CRACD: variants seen among roughly 807,000 people sequenced by gnomAD.
CRACD encodes capping protein inhibiting regulator of actin dynamics.
CRACD carries 56 observed loss-of-function variants against 106.8 expected under a neutral mutation model. The observed-to-expected ratio is 0.52, with a 90% CI of 0.42 to 0.66. The LOEUF is 0.66. Ranked by LOEUF, CRACD falls within the 30% of genes least tolerant of loss-of-function variation. The pLI is 0.00. For missense variants in CRACD, 1,730 were observed against 1,623.2 expected, an observed-to-expected ratio of 1.07 and a Z score of -1.13; for synonymous variants, 754 against 670.8, an observed-to-expected ratio of 1.12 and a Z score of -1.92.
chr4:56,323,649 C>T (rs1280203038), intron 9 of CRACD, 82 bp downstream of exon 9: 1 of 1,317,772 alleles, frequency 7.6e-7, no homozygotes, highest in Non-Finnish European at 1.0e-6. Flanking sequence ...AAACAAAAGG[C>T]TAGCTGGGCT....
chr4:56,260,467 A>G (rs1741628486), intron 2 of CRACD, among the ~76,000 whole-genome samples: 1 of 152,232 alleles, frequency 6.6e-6, no homozygotes, highest in African/African-American at 2.4e-5. Flanking sequence ...ATAGATGCCA[A>G]GTTGACAAAG....
chr4:56,131,094 T>C (rs980010114), intron 1 of CRACD, among the ~76,000 whole-genome samples: 3 of 152,236 alleles, frequency 2.0e-5, no homozygotes, highest in African/African-American at 7.2e-5. Context: ...TGCATTATTA[T>C]AGCCTTTTGT....
intron 2 of CRACD, among the ~76,000 whole-genome samples, chr4:56,209,032 T>G (rs1049190109): frequency 2.6e-5 from 4 of 152,192 alleles, no homozygotes; most frequent in Non-Finnish European, 5.9e-5. Context: ...AATATCTTGC[T>G]ATCACTATTA....
intron 3 of CRACD, among the ~76,000 whole-genome samples, chr4:56,278,709 C>T (rs1318899061): frequency 6.6e-6 from 1 of 152,030 alleles, no homozygotes; most frequent in Non-Finnish European, 1.5e-5. Context: ...TAAAACAATC[C>T]ACAGAATGGA....
chr4:56,087,637 C>T (rs1733274581), intron 1 of CRACD, among the ~76,000 whole-genome samples: 1 of 152,154 alleles, frequency 6.6e-6, no homozygotes, highest in Non-Finnish European at 1.5e-5. Flanking sequence ...GCATCACCAT[C>T]CCATCTGAAT....
intron 1 of CRACD, among the ~76,000 whole-genome samples, chr4:56,061,383 G>T (rs966884250): frequency 1.3e-5 from 2 of 152,116 alleles, no homozygotes; most frequent in Admixed American, 1.3e-4. Flanking sequence ...TGTTGCCTAG[G>T]ATGGTCTTGA....
At chr4:56,109,685 A>G (rs1177960212) in intron 1 of CRACD, among the ~76,000 whole-genome samples, 1 of 152,184 alleles carries the variant, frequency 6.6e-6, no homozygotes, top group Non-Finnish European at 1.5e-5. Context: ...TTGTAAATTT[A>G]AAATTATTTA....
chr4:56,240,047 T>G (rs1312320411), intron 2 of CRACD, among the ~76,000 whole-genome samples: 1 of 152,098 alleles, frequency 6.6e-6, no homozygotes, highest in Non-Finnish European at 1.5e-5. Flanking sequence ...TTATTCTTTT[T>G]TTTATTCGTC....
chr4:56,116,700 T>A (rs1319977221), intron 1 of CRACD, among the ~76,000 whole-genome samples: 2 of 152,328 alleles, frequency 1.3e-5, no homozygotes, highest in East Asian at 3.9e-4. Flanking sequence ...CAGAATTTTT[T>A]ATTTTTTCAT....
rs998852534 is a variant in CRACD, at chr4:56,055,955, C to G, written c.-336+6656C>G. On this transcript the variant is annotated intron_variant, in intron 1 of 10. Coordinates refer to ENST00000682029, the MANE Select transcript of CRACD (RefSeq NM_001393381.1). ...GTAATTAGAGAAACAATTCCAAAAG[C>G]CTGTGCACATTTGTATTATTTTTAT... Among the ~76,000 whole-genome samples the G allele has an allele frequency of 3.3e-5, 5 of 152,262 alleles. No individual in the cohort carries two copies. The East Asian group carries it at 5.8e-4, about 18-fold the overall frequency.
At chr4:56,164,392 C>T (rs1331805992) in intron 1 of CRACD, among the ~76,000 whole-genome samples, 1 of 152,114 alleles carries the variant, frequency 6.6e-6, no homozygotes, top group African/African-American at 2.4e-5. Context: ...CCTCGGCCTC[C>T]CAAAGTGCTG....
intron 1 of CRACD, among the ~76,000 whole-genome samples, chr4:56,113,936 A>G (rs1176423311): frequency 6.6e-6 from 1 of 152,152 alleles, no homozygotes; most frequent in Non-Finnish European, 1.5e-5. Context: ...AGTTAATCTC[A>G]GAAAAGGCAG....
intron 2 of CRACD, among the ~76,000 whole-genome samples, chr4:56,227,399 A>G (rs759688069): frequency 6.6e-6 from 1 of 152,200 alleles, no homozygotes; most frequent in Admixed American, 6.5e-5. Flanking sequence ...TGATAGATAC[A>G]CTAAGTTAGA....
chr4:56,193,759 G>T (rs1737481678), intron 2 of CRACD, among the ~76,000 whole-genome samples: 1 of 152,070 alleles, frequency 6.6e-6, no homozygotes, highest in Non-Finnish European at 1.5e-5. Context: ...CTCAGTCAAA[G>T]AATGCTTATA....
chr4:56,072,123 G>A (rs533084019), intron 1 of CRACD, among the ~76,000 whole-genome samples: 4 of 121,054 alleles, frequency 3.3e-5, no homozygotes, highest in Non-Finnish European at 6.6e-5. Context: ...GCGAGACTCC[G>A]TCTCAAAAAA....
rs988776405 is a variant in CRACD at position 56,258,019 on chromosome 4, T to G, written c.-188-14302T>G. ...CGGGAGGCAGAGGTGGCAGTGAGCC[T>G]AGATCGCACCACTGCACTCCAGCCT... On this transcript the variant is annotated intron_variant, in intron 2 of 10. Coordinates refer to ENST00000682029, the MANE Select transcript of CRACD (RefSeq NM_001393381.1). Among the ~76,000 whole-genome samples, 42 of 147,322 alleles carry G rather than the reference T, an allele frequency of 2.9e-4. 1 individual carries two copies. The highest frequency in any genetic ancestry group is 1.0e-3 in the African/African-American group (40 of 39,618).
In CRACD at chr4:56,279,253, G is replaced by A. The variant is rs374093550; in HGVS notation, c.-17+6761G>A. On this transcript the variant is annotated intron_variant, in intron 3 of 10. Coordinates refer to ENST00000682029, the MANE Select transcript of CRACD (RefSeq NM_001393381.1). ...AATGCAGAAATCATTCATCTTCTGC[G>A]TCGCTCATGCCGGGAGCTGTAGACT... 9.2e-5 allele frequency among the ~76,000 whole-genome samples: 14 copies of A among 152,234 alleles called. 1 individual carries two copies. The highest frequency in any genetic ancestry group is 3.4e-3 in the Middle Eastern group (1 of 294).
intron 2 of CRACD, among the ~76,000 whole-genome samples, chr4:56,266,056 G>A (rs1169564062): frequency 6.9e-6 from 1 of 145,418 alleles, no homozygotes; most frequent in East Asian, 1.9e-4. Context: ...TGGATAATGA[G>A]CACTTTTTTA....
At chr4:56,165,511 A>T (rs1028174180) in intron 1 of CRACD, among the ~76,000 whole-genome samples, 2 of 152,230 alleles carry the variant, frequency 1.3e-5, no homozygotes, top group African/African-American at 4.8e-5. Flanking sequence ...ACACACAGTT[A>T]GTATGCAGCA....
Sources: gnomAD v4.1 joint callset for allele counts (sites outside exome capture counted in the v4.1 genomes callset) on GRCh38, gnomAD v4.1.1 for gene constraint, MANE v1.5 for transcripts, NCBI Gene and HGNC (gene_info 2026-07-23, HGNC 2026-07-21) for gene names.